Variants in NIPSNAP3A observed in about 807,000 individuals in gnomAD.
The protein encoded by NIPSNAP3A is nipsnap homolog 3A, also known as protein NipSnap homolog 3A.
In NIPSNAP3A, 27 loss-of-function variants were observed where a neutral mutation model predicts 32.3. The ratio of observed to expected loss-of-function variants is 0.84; its 90% CI spans 0.62 to 1.15. NIPSNAP3A has a LOEUF of 1.15. NIPSNAP3A is among the 50% of genes most tolerant of loss of function. NIPSNAP3A has a pLI of 0.00. For missense variants in NIPSNAP3A, 278 were observed against 297.2 expected (o/e 0.94, Z 0.48); for synonymous variants, 108 against 107.3 (o/e 1.01, Z -0.04).
intron 1 of NIPSNAP3A, 143 bp downstream of exon 1, chr9:104,747,995 G>A (rs1827797481): frequency 6.5e-6 from 5 of 772,160 alleles, no homozygotes; most frequent in Non-Finnish European, 1.0e-5. Flanking sequence ...GTTCTAGCGT[G>A]AGCCCCGGAA....
chr9:104,750,945 A>C lies in NIPSNAP3A; in HGVS notation c.61-11A>C, dbSNP rs1827840603. ...TTCTCAAGATATTTACATTTGTCTTATCTTCTTCAGATGTGCTCATCTTTT... is the reference window on the plus strand; with the variant it reads ...TTCTCAAGATATTTACATTTGTCTTCTCTTCTTCAGATGTGCTCATCTTTT... On this transcript the variant is annotated splice_polypyrimidine_tract_variant and intron_variant, in intron 1 of 5. Transcript: ENST00000374767. 3 of 1,595,182 alleles carry C rather than the reference A, an allele frequency of 1.9e-6. No individual in the cohort carries two copies. The African/African-American group carries it at 4.0e-5, about 21-fold the overall frequency.
chr9:104,755,463 T>TA (rs1364447900), intron 4 of NIPSNAP3A, among the ~76,000 whole-genome samples: 1 of 151,968 alleles, frequency 6.6e-6, no homozygotes, highest in Non-Finnish European at 1.5e-5. Context: ...TATAGGGAGA[T>TA]ATAGTAAATA....
At chr9:104,757,791 C>G (rs1018962891) in intron 4 of NIPSNAP3A, among the ~76,000 whole-genome samples, 2 of 151,990 alleles carry the variant, frequency 1.3e-5, no homozygotes, top group Admixed American at 6.6e-5. Flanking sequence ...GTGGTTCATG[C>G]CTGTAATCCC....
intron 1 of NIPSNAP3A, among the ~76,000 whole-genome samples, chr9:104,749,657 A>G (rs961074772): frequency 6.6e-6 from 1 of 152,152 alleles, no homozygotes; most frequent in Non-Finnish European, 1.5e-5. Context: ...GTGCATATAT[A>G]TATGTGTGTG....
At chr9:104,756,156 A>G (rs1827903837) in intron 4 of NIPSNAP3A, among the ~76,000 whole-genome samples, 1 of 152,196 alleles carries the variant, frequency 6.6e-6, no homozygotes, top group South Asian at 2.1e-4. Flanking sequence ...TGGAGGAGAA[A>G]CTGTTATGAA....
chr9:104,747,972 G>C (rs1260673294), intron 1 of NIPSNAP3A, 120 bp downstream of exon 1: 4 of 1,019,704 alleles, frequency 3.9e-6, no homozygotes, highest in Non-Finnish European at 5.6e-6. Context: ...CCCAGACCTG[G>C]GGCCCCGGTG....
At chr9:104,749,657 ATATGTGTGTGTGCG>A in intron 1 of NIPSNAP3A, among the ~76,000 whole-genome samples, 1 of 152,152 alleles carries the variant, frequency 6.6e-6, no homozygotes, top group Non-Finnish European at 1.5e-5. Flanking sequence ...GTGCATATAT[ATATGTGTGTGTGCG>A]TATGTGTGTG....
intron 3 of NIPSNAP3A, 147 bp from the exon 4 acceptor site, chr9:104,754,404 C>A: frequency 1.5e-6 from 1 of 662,692 alleles, no homozygotes; most frequent in Non-Finnish European, 2.6e-6. Context: ...GCAGAGAGTG[C>A]AAATATAATA....
intron 4 of NIPSNAP3A, among the ~76,000 whole-genome samples, chr9:104,757,684 C>T (rs1827921872): frequency 1.3e-5 from 2 of 152,018 alleles, no homozygotes; most frequent in Non-Finnish European, 2.9e-5. Context: ...TATACATGTA[C>T]GTCATATCGT....
At chr9:104,753,351 A>T (rs1370554461) in intron 3 of NIPSNAP3A, among the ~76,000 whole-genome samples, 2 of 152,228 alleles carry the variant, frequency 1.3e-5, no homozygotes, top group Non-Finnish European at 2.9e-5. Flanking sequence ...GAATTTGTGC[A>T]TTGGGAGCAG....
chr9:104,751,006 T>C lies in NIPSNAP3A; in HGVS notation c.111T>C (p.Tyr37=), dbSNP rs759303710. ...CCAGACAATACGATGGAATATTCTA[T>C]GAATTTCGTTCTTATTACCTTAAGC... is the stretch of plus-strand genomic sequence containing the variant. ...TGPRQYDGIF[Y]EFRSYYLKPS... is the part of the protein sequence containing the mutation. Residue 37 remains tyrosine (Y), a synonymous_variant, in exon 2 of 6, where the codon TAT becomes TAC. Coordinates refer to ENST00000374767, the MANE Select transcript of NIPSNAP3A (RefSeq NM_015469.3). 10 of 1,614,030 alleles carry C rather than the reference T, an allele frequency of 6.2e-6. No homozygotes were observed. The East Asian group carries it at 2.2e-4, about 36-fold the overall frequency.
At chr9:104,748,684 G>T (rs571263115) in intron 1 of NIPSNAP3A, among the ~76,000 whole-genome samples, 1 of 152,164 alleles carries the variant, frequency 6.6e-6, no homozygotes, top group Non-Finnish European at 1.5e-5. Context: ...AGACTGAGGA[G>T]CACTAAAGAA....
intron 4 of NIPSNAP3A, among the ~76,000 whole-genome samples, chr9:104,758,766 C>A (rs1309326426): frequency 4.6e-5 from 7 of 151,102 alleles, no homozygotes; most frequent in Non-Finnish European, 7.4e-5. Context: ...TCGAGACCAG[C>A]CTGCCCAACA....
intron 4 of NIPSNAP3A, among the ~76,000 whole-genome samples, chr9:104,757,020 C>T (rs966528174): frequency 2.6e-5 from 4 of 151,960 alleles, no homozygotes; most frequent in African/African-American, 9.7e-5. Context: ...GTCTCAAACT[C>T]CTGACCACAG....
In NIPSNAP3A at chr9:104,750,983, AGACAATAC is replaced by A; in HGVS notation, c.91_98del (p.Gln31TrpfsTer5). 3 of 1,613,826 alleles carry A rather than the reference AGACAATAC, an allele frequency of 1.9e-6. No individual in the cohort carries two copies. Among genetic ancestry groups the A allele is most frequent in the Non-Finnish European group, 2.5e-6 (3 of 1,179,742 alleles). Reference sequence around the variant, plus strand: ...GTGCTCATCTTTTGCTACGGGACCCAGACAATACGATGGAATATTCTATGAATTTCGTT... The same window carrying A: ...GTGCTCATCTTTTGCTACGGGACCCAGATGGAATATTCTATGAATTTCGTT... On this transcript the variant is annotated frameshift_variant, in exon 2 of 6. Transcript: ENST00000374767. LOFTEE classifies it high-confidence loss of function.
chr9:104,754,743 T>C (rs1406335208), intron 4 of NIPSNAP3A, 43 bp downstream of exon 4: 1 of 1,531,684 alleles, frequency 6.5e-7, no homozygotes, highest in Non-Finnish European at 9.0e-7. Flanking sequence ...GTAATATATA[T>C]TGTGACCTAA....
chr9:104,754,680 A>C lies in NIPSNAP3A; in HGVS notation c.560A>C (p.Glu187Ala). ...YTKLVGVFHT[E>A]YGALNRVHVL... is the part of the protein sequence containing the mutation. Reference sequence around the variant, plus strand: ...AAACTAGTTGGAGTGTTCCACACAGAGTACGGAGCACTCAACAGAGGTACA... The same window carrying C: ...AAACTAGTTGGAGTGTTCCACACAGCGTACGGAGCACTCAACAGAGGTACA... The change falls in exon 4 of 6, where the codon GAG becomes GCG. Residue 187 changes from glutamate (E) to alanine (A), a missense_variant. Transcript: ENST00000374767. 1 of 1,613,840 alleles carries C rather than the reference A, an allele frequency of 6.2e-7. No homozygotes were observed. Among genetic ancestry groups the C allele is most frequent in the Non-Finnish European group, 8.5e-7 (1 of 1,179,686 alleles).
rs182969276 is a variant in NIPSNAP3A, at chr9:104,748,428, G to A, written c.60+576G>A. The stretch of plus-strand genomic sequence containing the variant: ...TGGGGCTGGACCCTGCCCGCCACCC[G>A]CGCTTCGTGTGGTCGCTCCCCCAAC... On this transcript the variant is annotated intron_variant, in intron 1 of 5. Transcript: ENST00000374767. Among the ~76,000 whole-genome samples, 495 of 152,260 alleles carry A rather than the reference G, an allele frequency of 3.3e-3. 14 individuals carry two copies. Among genetic ancestry groups the A allele is most frequent in the Admixed American group, 0.029 (442 of 15,304 alleles).
chr9:104,759,236 T>A (rs1161141229), intron 5 of NIPSNAP3A, 26 bp from the exon 6 acceptor site: 6 of 1,614,062 alleles, frequency 3.7e-6, no homozygotes, highest in Non-Finnish European at 5.1e-6. Context: ...TAACTCTATA[T>A]GCCTTTCTAT....
Sources: gnomAD v4.1 joint callset for allele counts (sites outside exome capture counted in the v4.1 genomes callset) on GRCh38, gnomAD v4.1.1 for gene constraint, MANE v1.5 for transcripts, NCBI Gene and HGNC (gene_info 2026-07-23, HGNC 2026-07-21) for gene names.